ERO1B: variants seen among roughly 807,000 people sequenced by gnomAD.
ERO1B encodes endoplasmic reticulum oxidoreductase 1 beta.
ERO1B carries 49 observed loss-of-function variants against 75.3 expected under a neutral mutation model. That is an observed-to-expected ratio of 0.65 (90% CI 0.52 to 0.83). The LOEUF is 0.83. ERO1B is among the 40% of genes least tolerant of loss of function. The pLI, the probability that ERO1B is intolerant of heterozygous loss-of-function variation, is 0.00. For synonymous variants in ERO1B, 191 were observed against 192.9 expected, an observed-to-expected ratio of 0.99 and a Z score of 0.08; for missense variants, 512 against 560.1, an observed-to-expected ratio of 0.91 and a Z score of 0.87.
At position 236,263,778 on chromosome 1, in the gene ERO1B, C is replaced by CTTTTTTTTTTTTTTTTTTTTTTT; in HGVS notation, c.222+6074_222+6096dup. Among the ~76,000 whole-genome samples the CTTTTTTTTTTTTTTTTTTTTTTT allele has an allele frequency of 1.9e-4, 15 of 80,302 alleles. 3 individuals carry two copies. Among genetic ancestry groups the CTTTTTTTTTTTTTTTTTTTTTTT allele is most frequent in the South Asian group, 8.2e-4 (2 of 2,440 alleles). The allele number at this position is 80,302 out of a possible 152,430, so 52.7% of individuals were successfully genotyped here. A position where few individuals can be genotyped will look rare whatever the true frequency, so the allele number is the denominator to read the frequency against. ...TATATTTTTTGTTTTATTTTGTTTG[C>CTTTTTTTTTTTTTTTTTTTTTTT]TTTTTTTTTTTTTTTTTTTTTTTTT... is the stretch of plus-strand genomic sequence containing the variant. On this transcript the variant is annotated intron_variant, in intron 2 of 15. Transcript: ENST00000354619.
At chr1:236,233,059 C>G (rs1664453036) in intron 8 of ERO1B, among the ~76,000 whole-genome samples, 1 of 152,078 alleles carries the variant, frequency 6.6e-6, no homozygotes, top group Non-Finnish European at 1.5e-5. Flanking sequence ...GCGGTAATCC[C>G]AGGACTTTGG....
chr1:236,239,877 A>ATATGTATATATATGTGTATATGTGTG (rs1572042468), intron 6 of ERO1B, among the ~76,000 whole-genome samples: 3 of 96,028 alleles, frequency 3.1e-5, no homozygotes, highest in African/African-American at 1.1e-4. Context: ...ATATGTGTAT[A>ATATGTATATATATGTGTATATGTGTG]TGTGTGTGTG....
In ERO1B at chr1:236,215,217, GTCTT is replaced by G. The variant is rs1291592021; in HGVS notation, c.*3295_*3298del. Among the ~76,000 whole-genome samples the G allele has an allele frequency of 6.6e-6, 1 of 152,186 alleles. No homozygotes were observed. Among genetic ancestry groups the G allele is most frequent in the African/African-American group, 2.4e-5 (1 of 41,450 alleles). ...AAATGTCACAAAGGTTCTAGAATCA[GTCTT>G]TCTCGTCTCAAATTCTTGCTCCACA... On this transcript the variant is annotated 3_prime_UTR_variant, in exon 16 of 16. Transcript: ENST00000354619.
At position 236,281,858 on chromosome 1, in the gene ERO1B, C is replaced by G. The variant is rs989148297; in HGVS notation, c.-75G>C. 9 of 1,138,774 alleles carry G rather than the reference C, an allele frequency of 7.9e-6. No individual in the cohort carries two copies. The African/African-American group carries it at 1.4e-4, about 18-fold the overall frequency. 70.5% of individuals were successfully genotyped at this position (1,138,774 alleles called of 1,614,324 possible). ...ACGACGGGCGGCCCAGGCGACGACC[C>G]AAGGGGACGGTTCCCAGCGGCCGAG... is the stretch of plus-strand genomic sequence containing the variant. On this transcript the variant is annotated 5_prime_UTR_variant, in exon 1 of 16. Transcript: ENST00000354619.
intron 8 of ERO1B, 54 bp downstream of exon 8, chr1:236,235,735 A>G: frequency 6.8e-7 from 1 of 1,466,080 alleles, no homozygotes; most frequent in Non-Finnish European, 9.3e-7. Flanking sequence ...GTTTAGTTAT[A>G]AAGACATTTT....
In ERO1B at chr1:236,264,895, G is replaced by A. The variant is rs143286853; in HGVS notation, c.222+4980C>T. ...GTAAGGGATGAGAAATTTCATAAGG[G>A]GTACAATGCACACTATCCGGGCGAT... On this transcript the variant is annotated intron_variant, in intron 2 of 15. Transcript: ENST00000354619. Among the ~76,000 whole-genome samples the A allele has an allele frequency of 1.4e-4, 21 of 151,968 alleles. No homozygotes were observed. In the East Asian group the frequency reaches 3.9e-3, roughly 28 times the overall value.
At chr1:236,233,100 A>T (rs574315812) in intron 8 of ERO1B, among the ~76,000 whole-genome samples, 11 of 152,076 alleles carry the variant, frequency 7.2e-5, no homozygotes, top group African/African-American at 2.7e-4. Flanking sequence ...ACCTGAGGTC[A>T]GGAGTTTGAG....
intron 1 of ERO1B, among the ~76,000 whole-genome samples, chr1:236,280,306 C>T (rs1285617523): frequency 6.6e-6 from 1 of 152,190 alleles, no homozygotes; most frequent in Admixed American, 6.5e-5. Context: ...CTCAGAAACA[C>T]TCAACTAGTG....
At chr1:236,278,362 ATTGT>A (rs1033355976) in intron 1 of ERO1B, among the ~76,000 whole-genome samples, 5 of 151,724 alleles carry the variant, frequency 3.3e-5, no homozygotes, top group African/African-American at 1.2e-4. Flanking sequence ...TGAGGATGTA[ATTGT>A]TTGAAGTCCA....
intron 1 of ERO1B, among the ~76,000 whole-genome samples, chr1:236,273,256 C>A (rs528960390): frequency 7.7e-4 from 117 of 152,234 alleles, no homozygotes; most frequent in African/African-American, 2.5e-3. Flanking sequence ...CATGACAATA[C>A]CTAGAAGCTT....
At chr1:236,281,630 C>A (rs542240242) in intron 1 of ERO1B, 52 bp downstream of exon 1, 3 of 1,234,244 alleles carry the variant, frequency 2.4e-6, no homozygotes, top group Non-Finnish European at 3.1e-6. Context: ...CCGTGTGTAG[C>A]GGCCGCGGGT....
chr1:236,272,020 C>T (rs1665600973), intron 1 of ERO1B, among the ~76,000 whole-genome samples: 1 of 152,018 alleles, frequency 6.6e-6, no homozygotes, highest in Non-Finnish European at 1.5e-5. Context: ...TTTTTAAATA[C>T]TGCCAGTATC....
At chr1:236,270,019 T>G in intron 1 of ERO1B, 25 bp from the exon 2 acceptor site, 1 of 1,493,394 alleles carries the variant, frequency 6.7e-7, no homozygotes, top group South Asian at 1.2e-5. Context: ...ATTTAAAATA[T>G]GTAAACTACT....
chr1:236,232,165 C>T (rs1247691986), intron 9 of ERO1B, among the ~76,000 whole-genome samples: 1 of 152,166 alleles, frequency 6.6e-6, no homozygotes, highest in Non-Finnish European at 1.5e-5. Context: ...ATATCACCTA[C>T]TGTTTGTACC....
intron 6 of ERO1B, among the ~76,000 whole-genome samples, chr1:236,240,854 G>C (rs1199478169): frequency 6.6e-6 from 1 of 152,082 alleles, no homozygotes; most frequent in Non-Finnish European, 1.5e-5. Context: ...GGCAGGGTGG[G>C]GGCCATCAAA....
rs879725893 is a variant in ERO1B at position 236,281,925 on chromosome 1, G to C, written c.-142C>G. On this transcript the variant is annotated 5_prime_UTR_variant, in exon 1 of 16. Transcript: ENST00000354619. ...GGTCTGCACTCCAGTCCGGAGGCAG[G>C]CGACTCTTTCCCCAACACCCGGCAG... 2 of 470,846 alleles carry C rather than the reference G, an allele frequency of 4.2e-6. No individual in the cohort carries two copies. Among genetic ancestry groups the C allele is most frequent in the Non-Finnish European group, 6.9e-6 (2 of 290,428 alleles). 29.2% of individuals were successfully genotyped at this position (470,846 alleles called of 1,614,324 possible).
chr1:236,233,571 C>A (rs750018089), intron 8 of ERO1B, among the ~76,000 whole-genome samples: 1 of 151,330 alleles, frequency 6.6e-6, no homozygotes, highest in Non-Finnish European at 1.5e-5. Context: ...GCACTCCAGC[C>A]TGAGTGACAG....
Position 236,239,835 on chromosome 1 carries a change from G to GTATATATATGTGTATATATA in ERO1B, c.506-3438_506-3437insTATATATACACATATATATA, listed in dbSNP as rs764354290. Among the ~76,000 whole-genome samples the GTATATATATGTGTATATATA allele has an allele frequency of 1.2e-4, 5 of 42,350 alleles. 1 individual carries two copies. The highest frequency in any genetic ancestry group is 7.7e-4 in the South Asian group (1 of 1,296). The allele number at this position is 42,350 out of a possible 152,430, so 27.8% of individuals were successfully genotyped here. On this transcript the variant is annotated intron_variant, in intron 6 of 15. Coordinates refer to ENST00000354619, the MANE Select transcript of ERO1B (RefSeq NM_019891.4). ...TGTATATATATATGTGTATATATAT[G>GTATATATATGTGTATATATA]TGTATATATATATGTGTATATATGT...
intron 13 of ERO1B, among the ~76,000 whole-genome samples, chr1:236,222,257 C>T (rs899448150): frequency 2.6e-5 from 4 of 152,130 alleles, no homozygotes; most frequent in Admixed American, 2.0e-4. Flanking sequence ...AGATTATAGG[C>T]GCATGCCGCC....
Sources: gnomAD v4.1 joint callset for allele counts (sites outside exome capture counted in the v4.1 genomes callset) on GRCh38, gnomAD v4.1.1 for gene constraint, MANE v1.5 for transcripts, NCBI Gene and HGNC (gene_info 2026-07-23, HGNC 2026-07-21) for gene names.